The following SPAG16 variants were observed in gnomAD, a reference collection of about 807,000 sequenced individuals.
SPAG16 encodes the protein sperm-associated antigen 16 protein.
Under a neutral mutation model 80.4 loss-of-function variants are expected in SPAG16, and 86 were observed. The ratio of observed to expected loss-of-function variants is 1.07; its 90% CI spans 0.90 to 1.28. The LOEUF is 1.28. Among genes scored for constraint, SPAG16 ranks in the 50% most tolerant of loss-of-function variants. The pLI, the probability that SPAG16 is intolerant of heterozygous loss-of-function variation, is 0.00. For missense variants in SPAG16, 870 were observed against 765.3 expected, an observed-to-expected ratio of 1.14 and a Z score of -1.61; for synonymous variants, 294 against 265.9, an observed-to-expected ratio of 1.11 and a Z score of -1.03.
chr2:213,868,351 T>C (rs1274493498), intron 11 of SPAG16, among the ~76,000 whole-genome samples: 3 of 28,770 alleles, frequency 1.0e-4, no homozygotes, highest in Non-Finnish European at 1.5e-4. Flanking sequence ...TTTGATTTGT[T>C]TTTTTGCACA....
chr2:214,119,452 A>G (rs1001497848), intron 14 of SPAG16, among the ~76,000 whole-genome samples: 1 of 152,148 alleles, frequency 6.6e-6, no homozygotes, highest in African/African-American at 2.4e-5. Flanking sequence ...TTCAATCTAA[A>G]GGAAAAAATA....
intron 4 of SPAG16, among the ~76,000 whole-genome samples, chr2:213,310,980 T>A (rs2063163619): frequency 6.6e-6 from 1 of 151,808 alleles, no homozygotes. Flanking sequence ...GTATGGATAA[T>A]TTGCGATTTT....
At chr2:213,901,118 C>T (rs1477878661) in intron 11 of SPAG16, among the ~76,000 whole-genome samples, 1 of 151,986 alleles carries the variant, frequency 6.6e-6, no homozygotes, top group Non-Finnish European at 1.5e-5. Context: ...TAAGATAAAG[C>T]TAGGAGTCAG....
intron 7 of SPAG16, 113 bp downstream of exon 7, chr2:213,350,758 C>G (rs1023615745): frequency 4.8e-5 from 30 of 624,650 alleles, no homozygotes; most frequent in Non-Finnish European, 1.1e-5. Flanking sequence ...TTTCAACCAA[C>G]TTTCATGTAA....
At chr2:213,291,333 G>A (rs190640791) in intron 1 of SPAG16, among the ~76,000 whole-genome samples, 14 of 152,290 alleles carry the variant, frequency 9.2e-5, no homozygotes, top group African/African-American at 2.2e-4. Context: ...AAACAGATGC[G>A]TACAAACATA....
chr2:213,901,508 A>AT (rs1408121096), intron 11 of SPAG16, among the ~76,000 whole-genome samples: 1 of 152,166 alleles, frequency 6.6e-6, no homozygotes, highest in Non-Finnish European at 1.5e-5. Context: ...AAAAGGAATA[A>AT]TACCACTGGT....
chr2:213,665,032 A>T (rs1200862470), intron 10 of SPAG16, among the ~76,000 whole-genome samples: 1 of 152,016 alleles, frequency 6.6e-6, no homozygotes, highest in Admixed American at 6.6e-5. Context: ...AACATCTCAC[A>T]TGTTTGCCCA....
intron 13 of SPAG16, among the ~76,000 whole-genome samples, chr2:214,018,520 T>C (rs2047700954): frequency 6.6e-6 from 1 of 152,122 alleles, no homozygotes; most frequent in Non-Finnish European, 1.5e-5. Context: ...GTATAACATA[T>C]TGATATGGAT....
At chr2:213,416,481 C>T (rs1405323842) in intron 9 of SPAG16, among the ~76,000 whole-genome samples, 1 of 151,970 alleles carries the variant, frequency 6.6e-6, no homozygotes, top group East Asian at 1.9e-4. Context: ...TGTGGTCCTA[C>T]TCTTGGTGGT....
rs1405092435 is a variant in SPAG16 at position 213,339,770 on chromosome 2, A to G, written c.537-393A>G. Among the ~76,000 whole-genome samples the G allele has an allele frequency of 2.6e-5, 4 of 151,314 alleles. 1 individual carries two copies. Among genetic ancestry groups the G allele is most frequent in the African/African-American group, 9.8e-5 (4 of 40,636 alleles). On this transcript the variant is annotated intron_variant, in intron 5 of 15. Transcript: ENST00000331683. ...TAACTTTACATTCTAGGAAGTTCAGAGTTAAATTCCATAAAGTCTTTATTT... is the reference window on the plus strand; with the variant it reads ...TAACTTTACATTCTAGGAAGTTCAGGGTTAAATTCCATAAAGTCTTTATTT...
In SPAG16 at chr2:214,322,923, C is replaced by A. The variant is rs554039565; in HGVS notation, c.1721-87217C>A. On this transcript the variant is annotated intron_variant, in intron 15 of 15. Transcript: ENST00000331683. Reference sequence around the variant, plus strand: ...CCTAGTTTTGTTTCAAACTCAAACACAGAGGATCCCTGCAAATCCGGTTAC... The same window carrying A: ...CCTAGTTTTGTTTCAAACTCAAACAAAGAGGATCCCTGCAAATCCGGTTAC... Among the ~76,000 whole-genome samples, 285 of 152,290 alleles carry A rather than the reference C, an allele frequency of 1.9e-3. 4 individuals are homozygous for A. Among genetic ancestry groups the A allele is most frequent in the Non-Finnish European group, 1.2e-4 (8 of 68,024 alleles).
intron 10 of SPAG16, among the ~76,000 whole-genome samples, chr2:213,610,663 A>C (rs1304727): frequency 6.6e-6 from 1 of 151,924 alleles, no homozygotes; most frequent in African/African-American, 2.4e-5. Context: ...TGTTTATTAA[A>C]AAAGTAAAGT....
At chr2:213,617,053 C>T (rs921859846) in intron 10 of SPAG16, among the ~76,000 whole-genome samples, 15 of 151,936 alleles carry the variant, frequency 9.9e-5, no homozygotes, top group African/African-American at 3.6e-4. Context: ...GGTAGGTGGG[C>T]CCCTGCAGAT....
At chr2:213,340,863 TA>T (rs1163896321) in intron 6 of SPAG16, among the ~76,000 whole-genome samples, 4 of 152,158 alleles carry the variant, frequency 2.6e-5, no homozygotes, top group African/African-American at 9.7e-5. Flanking sequence ...TTACAATCCT[TA>T]AATAAAATTA....
At position 213,747,560 on chromosome 2, in the gene SPAG16, A is replaced by C. The variant is rs74789636; in HGVS notation, c.1071-114925A>C. On this transcript the variant is annotated intron_variant, in intron 10 of 15. Transcript: ENST00000331683. ...CTTATCTTTATACTGTATTTTTTGC[A>C]CAAATTTTCTGTGTTCAGATACACA... Among the ~76,000 whole-genome samples, 10 of 152,292 alleles carry C rather than the reference A, an allele frequency of 6.6e-5. No homozygotes were observed. In the East Asian group the frequency reaches 1.9e-3, roughly 29 times the overall value.
At chr2:214,023,560 G>C (rs996578990) in intron 13 of SPAG16, among the ~76,000 whole-genome samples, 3 of 151,676 alleles carry the variant, frequency 2.0e-5, no homozygotes, top group African/African-American at 4.8e-5. Flanking sequence ...TTTGCTTTTA[G>C]GTAGAAAAGC....
intron 12 of SPAG16, among the ~76,000 whole-genome samples, chr2:213,962,420 C>G (rs1436690318): frequency 6.6e-6 from 1 of 152,082 alleles, no homozygotes; most frequent in Non-Finnish European, 1.5e-5. Flanking sequence ...GTCTCCATCT[C>G]CTGATCTGCC....
At chr2:213,912,241 A>G (rs1320747050) in intron 11 of SPAG16, among the ~76,000 whole-genome samples, 3 of 152,208 alleles carry the variant, frequency 2.0e-5, no homozygotes, top group Non-Finnish European at 4.4e-5. Context: ...AAGAAATGAT[A>G]TCAATATACA....
chr2:213,400,561 G>C (rs919078749), intron 9 of SPAG16, among the ~76,000 whole-genome samples: 2 of 152,184 alleles, frequency 1.3e-5, no homozygotes, highest in East Asian at 1.9e-4. Flanking sequence ...TGCTATGGCA[G>C]AGATTTCTAG....
Sources: gnomAD v4.1 joint callset for allele counts (sites outside exome capture counted in the v4.1 genomes callset) on GRCh38, gnomAD v4.1.1 for gene constraint, MANE v1.5 for transcripts, NCBI Gene and HGNC (gene_info 2026-07-23, HGNC 2026-07-21) for gene names.